PTPRU: variants seen among roughly 807,000 people sequenced by gnomAD.
PTPRU encodes protein tyrosine phosphatase receptor type U.
Under a neutral mutation model 166.3 loss-of-function variants are expected in PTPRU, and 69 were observed. The observed-to-expected ratio is 0.41, with a 90% CI of 0.34 to 0.51. The LOEUF (loss-of-function observed/expected upper bound fraction) is 0.51. Among genes scored for constraint, PTPRU ranks in the 20% least tolerant of loss-of-function variants. The pLI is 0.09. For missense variants in PTPRU, 1,657 were observed against 2,013.7 expected, an observed-to-expected ratio of 0.82 and a Z score of 3.39; for synonymous variants, 793 against 814.0, an observed-to-expected ratio of 0.97 and a Z score of 0.44.
Position 29,320,527 on chromosome 1 carries a change from C to T in PTPRU, c.3688-158C>T. 1.2e-6 allele frequency: 1 copy of T among 835,206 alleles called. No homozygotes were observed. Among genetic ancestry groups the T allele is most frequent in the East Asian group, 3.0e-5 (1 of 33,398 alleles). The allele number at this position is 835,206 out of a possible 1,614,324, so 51.7% of individuals were successfully genotyped here. Reference sequence around the variant, plus strand: ...CCTGTCAACCCAGGCCTCAGTGTGCCAACCAACATCAGAAATGGCCCACTG... The same window carrying T: ...CCTGTCAACCCAGGCCTCAGTGTGCTAACCAACATCAGAAATGGCCCACTG... On this transcript the variant is annotated intron_variant, in intron 25 of 29. Coordinates refer to ENST00000373779, the MANE Select transcript of PTPRU (RefSeq NM_133178.4). The surrounding 1 kb of genome is among the most constrained non-coding windows in gnomAD (Gnocchi z 5.2).
At chr1:29,318,058 A>C in intron 25 of PTPRU, 137 bp downstream of exon 25, 1 of 1,167,186 alleles carries the variant, frequency 8.6e-7, no homozygotes, top group South Asian at 1.5e-5. Context: ...CCTGTGTGTG[A>C]CCCTCCTACT....
Position 29,310,791 on chromosome 1 carries a change from C to G in PTPRU, c.2857+11C>G. 8 of 1,613,272 alleles carry G rather than the reference C, an allele frequency of 5.0e-6. No homozygotes were observed. Among genetic ancestry groups the G allele is most frequent in the Non-Finnish European group, 6.8e-6 (8 of 1,179,224 alleles). On this transcript the variant is annotated intron_variant, in intron 19 of 29. Transcript: ENST00000373779. ...TCATAGCCACTCAAGGTACCTGGCA[C>G]TTCTGCCCACATGCGCCTTCCCATG... is the stretch of plus-strand genomic sequence containing the variant.
intron 18 of PTPRU, among the ~76,000 whole-genome samples, chr1:29,305,760 G>T (rs556237317): frequency 2.6e-5 from 4 of 152,306 alleles, no homozygotes; most frequent in Middle Eastern, 3.4e-3. Context: ...AGGCTGAAGA[G>T]GTAGGCAGGG....
intron 15 of PTPRU, 38 bp from the exon 16 acceptor site, chr1:29,303,817 T>C: frequency 1.3e-6 from 2 of 1,552,236 alleles, no homozygotes; most frequent in Non-Finnish European, 1.8e-6. Flanking sequence ...GGCTGGGGCA[T>C]GTGTGTCAAG....
intron 12 of PTPRU, 140 bp from the exon 13 acceptor site, chr1:29,283,800 C>G: frequency 9.9e-7 from 1 of 1,006,472 alleles, no homozygotes; most frequent in South Asian, 1.5e-5. Flanking sequence ...CCAGGCCTGC[C>G]TTCGGGTGGG....
At chr1:29,288,195 A>G (rs937683622) in intron 14 of PTPRU, among the ~76,000 whole-genome samples, 20 of 152,168 alleles carry the variant, frequency 1.3e-4, no homozygotes, top group Non-Finnish European at 2.9e-4. Context: ...TCATTTATTG[A>G]TTACTCCATT....
At chr1:29,308,720 T>C (rs924221341) in intron 18 of PTPRU, among the ~76,000 whole-genome samples, 6 of 152,164 alleles carry the variant, frequency 3.9e-5, no homozygotes, top group Non-Finnish European at 5.9e-5. Context: ...GTCTCCTTTT[T>C]CTTTTAAAAA....
At chr1:29,299,011 A>G (rs935773214) in intron 15 of PTPRU, among the ~76,000 whole-genome samples, 3 of 152,288 alleles carry the variant, frequency 2.0e-5, no homozygotes, top group African/African-American at 7.2e-5. Context: ...AGTGGAGGAA[A>G]AGTTTGGGGT....
At position 29,323,401 on chromosome 1, in the gene PTPRU, C is replaced by T. The variant is rs758911048; in HGVS notation, c.3859C>T (p.Arg1287Trp). 1.2e-5 allele frequency: 20 copies of T among 1,609,064 alleles called. No homozygotes were observed. The highest frequency in any genetic ancestry group is 1.1e-4 in the East Asian group (5 of 44,586). Residue 1287 changes from arginine to tryptophan, a missense_variant, in exon 27 of 30, where the codon CGG (arginine) becomes TGG (tryptophan). By Grantham distance (101) the Arg-to-Trp change is moderately radical. This residue lies in a region of PTPRU where 1,190 missense variants were observed against 1,477.4 expected (regional missense o/e 0.81). Transcript: ENST00000373779. Reference protein sequence around the residue: ...PCLQYWPEPGRQQYGLMEVEF... With the variant: ...PCLQYWPEPGWQQYGLMEVEF... Reference sequence around the variant, plus strand: ...CCTGCAGTACTGGCCAGAGCCAGGCCGGCAGCAATATGGCCTCATGGAGGT... The same window carrying T: ...CCTGCAGTACTGGCCAGAGCCAGGCTGGCAGCAATATGGCCTCATGGAGGT...
intron 7 of PTPRU, among the ~76,000 whole-genome samples, chr1:29,266,599 A>T (rs1370960996): frequency 6.6e-6 from 1 of 152,116 alleles, no homozygotes. Context: ...AGGTTACTTA[A>T]CCTTTCTGAG....
At position 29,237,634 on chromosome 1, in the gene PTPRU, G is replaced by A. The variant is rs1221927660; in HGVS notation, c.73+917G>A. Among the ~76,000 whole-genome samples the A allele has an allele frequency of 2.0e-5, 3 of 151,556 alleles. No homozygotes were observed. Among genetic ancestry groups the A allele is most frequent in the Non-Finnish European group, 4.4e-5 (3 of 67,788 alleles). Reference sequence around the variant, plus strand: ...GCGGCGGCGCCCCCTGGGCTGCCCGGGTCGGGCAGGGCCCGAGGCTCAGGG... The same window carrying A: ...GCGGCGGCGCCCCCTGGGCTGCCCGAGTCGGGCAGGGCCCGAGGCTCAGGG... On this transcript the variant is annotated intron_variant, in intron 1 of 29. Transcript: ENST00000373779. The surrounding 1 kb of genome is among the most constrained non-coding windows in gnomAD (Gnocchi z 6.4).
intron 14 of PTPRU, among the ~76,000 whole-genome samples, chr1:29,286,311 C>G (rs142932509): frequency 2.0e-5 from 3 of 152,328 alleles, no homozygotes; most frequent in African/African-American, 7.2e-5. Flanking sequence ...ACACATCATC[C>G]ATGAGTACAT....
At chr1:29,258,963 C>A (rs564566454) in intron 3 of PTPRU, among the ~76,000 whole-genome samples, 187 bp downstream of exon 3, 1 of 152,168 alleles carries the variant, frequency 6.6e-6, no homozygotes, top group Non-Finnish European at 1.5e-5. Flanking sequence ...GTCATTGTTC[C>A]TAGGAATAGC....
At position 29,315,892 on chromosome 1, in the gene PTPRU, G is replaced by T; in HGVS notation, c.3364-110G>T. The T allele has an allele frequency of 7.4e-7, 1 of 1,344,482 alleles. No individual in the cohort carries two copies. Among genetic ancestry groups the T allele is most frequent in the Non-Finnish European group, 1.0e-6 (1 of 983,662 alleles). The allele number at this position is 1,344,482 out of a possible 1,614,324, so 83.3% of individuals were successfully genotyped here. On this transcript the variant is annotated intron_variant, in intron 23 of 29. Transcript: ENST00000373779. The surrounding 1 kb of genome is among the most constrained non-coding windows in gnomAD (Gnocchi z 4.5). The stretch of plus-strand genomic sequence containing the variant: ...GGTCCAGCCTGTAGTAACATGGTTG[G>T]CCTCCACCTCAGGACACCCTGCTTC...
At chr1:29,281,725 T>C (rs777655934) in intron 11 of PTPRU, among the ~76,000 whole-genome samples, 4 of 152,186 alleles carry the variant, frequency 2.6e-5, no homozygotes, top group Non-Finnish European at 5.9e-5. Context: ...AGCCATGGGC[T>C]GGTGTCCAAC....
At chr1:29,298,131 A>G (rs12041691) in intron 15 of PTPRU, among the ~76,000 whole-genome samples, 37,957 of 151,898 alleles carry the variant, frequency 0.25, 5,990 homozygotes, top group East Asian at 0.63. Flanking sequence ...GGTGGCAGGC[A>G]CCTGTAATCC....
intron 5 of PTPRU, 36 bp downstream of exon 5, chr1:29,259,600 T>TTTTTTGGGGGGGGGGGGGGGGGG: frequency 3.9e-6 from 1 of 253,628 alleles, no homozygotes; most frequent in Non-Finnish European, 7.7e-6. Context: ...GGGGGCGGGG[T>TTTTTTGGGGGGGGGGGGGGGGGG]GGGAGGGGGT....
Position 29,317,781 on chromosome 1 carries a change from G to A in PTPRU, c.3547G>A (p.Glu1183Lys), listed in dbSNP as rs1471014720. Reference protein sequence around the residue: ...LNSVTPPLDVEECSIALLPRN... With the variant: ...LNSVTPPLDVKECSIALLPRN... ...CTCGGTCACCCCGCCGCTGGACGTG[G>A]AGGAGTGCAGCATCGCCCTGTTGCC... is the stretch of plus-strand genomic sequence containing the variant. The change falls in exon 25 of 30, where the codon GAG (glutamate) becomes AAG (lysine). Residue 1183 changes from glutamate (E) to lysine (K), a missense_variant. Glu to Lys is a moderately conservative substitution (Grantham distance 56, BLOSUM62 1). This residue lies in a region of PTPRU where 1,190 missense variants were observed against 1,477.4 expected (regional missense o/e 0.81). Transcript: ENST00000373779. The surrounding 1 kb of genome is among the most constrained non-coding windows in gnomAD (Gnocchi z 5.6). 6.2e-7 allele frequency: 1 copy of A among 1,612,204 alleles called. No homozygotes were observed. Among genetic ancestry groups the A allele is most frequent in the East Asian group, 2.2e-5 (1 of 44,880 alleles).
At chr1:29,302,144 A>AGT (rs1687162070) in intron 15 of PTPRU, among the ~76,000 whole-genome samples, 1 of 140,770 alleles carries the variant, frequency 7.1e-6, no homozygotes, top group African/African-American at 2.9e-5. Context: ...GGCCTAGGCT[A>AGT]ATGTGTATGT....
Sources: allele counts gnomAD v4.1 joint callset (sites outside exome capture counted in the v4.1 genomes callset), GRCh38; gene constraint gnomAD v4.1.1; regional missense constraint gnomAD v4.1.1; non-coding constraint Gnocchi (gnomAD v3.1); transcripts MANE v1.5; gene names NCBI Gene and HGNC (gene_info 2026-07-23, HGNC 2026-07-21).